PTPRD: variants seen among roughly 807,000 people sequenced by gnomAD.
The protein encoded by PTPRD is receptor-type tyrosine-protein phosphatase delta.
PTPRD carries 34 observed loss-of-function variants against 214.5 expected under a neutral mutation model. The observed-to-expected ratio is 0.16, with a 90% CI of 0.12 to 0.21. PTPRD has a LOEUF of 0.21. Among genes scored for constraint, PTPRD ranks in the 10% least tolerant of loss-of-function variants. PTPRD has a pLI of 1.00. For missense variants in PTPRD, 2,545 were observed against 2,398.7 expected (o/e 1.06, Z -1.27); for synonymous variants, 1,128 against 845.7 (o/e 1.33, Z -5.79).
At position 9,217,103 on chromosome 9, in the gene PTPRD, G is replaced by T. The variant is rs948960311; in HGVS notation, c.-202-33740C>A. On this transcript the variant is annotated intron_variant, in intron 9 of 45. Transcript: ENST00000381196. ...AACTTATATGCAAATGAGAACTAAG[G>T]GCCCCTTTAGCCAAAGAGATTCCAC... 3.3e-5 allele frequency among the ~76,000 whole-genome samples: 5 copies of T among 151,840 alleles called. No individual in the cohort carries two copies. In the South Asian group the frequency reaches 1.0e-3, roughly 32 times the overall value.
chr9:8,482,744 C>A (rs898875838), intron 30 of PTPRD, among the ~76,000 whole-genome samples: 1 of 152,122 alleles, frequency 6.6e-6, no homozygotes, highest in Admixed American at 6.5e-5. Flanking sequence ...TCTTGTATGC[C>A]TCCTTCTTCC....
At chr9:8,607,802 T>C (rs1210790813) in intron 14 of PTPRD, among the ~76,000 whole-genome samples, 1 of 152,150 alleles carries the variant, frequency 6.6e-6, no homozygotes, top group South Asian at 2.1e-4. Context: ...TAAACACAAA[T>C]ATTTATTTTA....
intron 7 of PTPRD, among the ~76,000 whole-genome samples, chr9:9,670,683 G>A (rs1002265234): frequency 6.6e-6 from 1 of 152,194 alleles, no homozygotes; most frequent in African/African-American, 2.4e-5. Context: ...ATGGCTGAAA[G>A]TGGCCAACAT....
intron 3 of PTPRD, among the ~76,000 whole-genome samples, chr9:10,135,162 T>G (rs1025783842): frequency 6.6e-6 from 1 of 152,072 alleles, no homozygotes; most frequent in Non-Finnish European, 1.5e-5. Context: ...ATCAGCTTAG[T>G]CAGGCAAAAA....
intron 3 of PTPRD, among the ~76,000 whole-genome samples, chr9:10,217,731 A>G (rs75092315): frequency 0.079 from 12,064 of 152,012 alleles, 552 homozygotes; most frequent in African/African-American, 0.12. Context: ...AACTACATGT[A>G]TATAATAATG....
intron 8 of PTPRD, among the ~76,000 whole-genome samples, chr9:9,458,379 A>G (rs1228684952): frequency 6.6e-6 from 1 of 152,074 alleles, no homozygotes; most frequent in Non-Finnish European, 1.5e-5. Flanking sequence ...TTTATTTTTT[A>G]CTAACATTGT....
chr9:10,211,480 T>A (rs374592549), intron 3 of PTPRD, among the ~76,000 whole-genome samples: 33 of 152,242 alleles, frequency 2.2e-4, no homozygotes, highest in African/African-American at 7.2e-4. Context: ...CTGTGAGGCA[T>A]AACATGATCA....
At chr9:9,871,405 T>C (rs1196809512) in intron 5 of PTPRD, among the ~76,000 whole-genome samples, 1 of 152,174 alleles carries the variant, frequency 6.6e-6, no homozygotes, top group East Asian at 1.9e-4. Flanking sequence ...CTATTCTCCA[T>C]TTTGAATATT....
chr9:9,859,381 G>A (rs1252856050), intron 5 of PTPRD, among the ~76,000 whole-genome samples: 1 of 152,174 alleles, frequency 6.6e-6, no homozygotes, highest in African/African-American at 2.4e-5. Context: ...CTAAAGTTGA[G>A]TCTGAGCCTA....
intron 9 of PTPRD, among the ~76,000 whole-genome samples, chr9:9,289,149 A>C (rs1950385477): frequency 6.6e-6 from 1 of 151,880 alleles, no homozygotes; most frequent in Non-Finnish European, 1.5e-5. Context: ...GAACACAAAT[A>C]CAAATGAAAT....
Position 9,125,354 on chromosome 9 carries a change from A to T in PTPRD, c.-143+57950T>A, listed in dbSNP as rs112010133. Among the ~76,000 whole-genome samples, 218 of 152,302 alleles carry T rather than the reference A, an allele frequency of 1.4e-3. 1 individual carries two copies. Among genetic ancestry groups the T allele is most frequent in the African/African-American group, 4.8e-3 (198 of 41,568 alleles). On this transcript the variant is annotated intron_variant, in intron 10 of 45. Coordinates refer to ENST00000381196, the MANE Select transcript of PTPRD (RefSeq NM_002839.4). The stretch of plus-strand genomic sequence containing the variant: ...CCATTTCAACTTGGTGTCAAGACAT[A>T]CTGTGAGAATTACCTTGTGTGAAGG...
chr9:9,247,807 G>A (rs1298544372), intron 9 of PTPRD, among the ~76,000 whole-genome samples: 9 of 151,994 alleles, frequency 5.9e-5, no homozygotes. Context: ...TTCAATGAGG[G>A]CAGCTAAATT....
chr9:10,290,962 T>C (rs1373171485), intron 3 of PTPRD, among the ~76,000 whole-genome samples: 1 of 152,068 alleles, frequency 6.6e-6, no homozygotes. Flanking sequence ...TTAGCTAATA[T>C]TGACCCATCT....
At chr9:8,341,299 AC>A in intron 40 of PTPRD, 31 bp from the exon 41 acceptor site, 1 of 1,549,256 alleles carries the variant, frequency 6.5e-7, no homozygotes. Flanking sequence ...AAAAGGAAAA[AC>A]CCAACAAAGA....
At chr9:9,975,939 C>A (rs6477434) in intron 4 of PTPRD, among the ~76,000 whole-genome samples, 1 of 152,026 alleles carries the variant, frequency 6.6e-6, no homozygotes, top group Non-Finnish European at 1.5e-5. Context: ...GTGCTACTAA[C>A]GTTAAGTGAA....
intron 3 of PTPRD, among the ~76,000 whole-genome samples, chr9:10,260,916 T>C (rs906095124): frequency 4.0e-5 from 6 of 151,382 alleles, no homozygotes; most frequent in South Asian, 2.1e-4. Flanking sequence ...AATTCTTGTA[T>C]AGTCAAGGGA....
intron 3 of PTPRD, among the ~76,000 whole-genome samples, chr9:10,233,750 A>T (rs2099620001): frequency 6.6e-6 from 1 of 151,974 alleles, no homozygotes; most frequent in African/African-American, 2.4e-5. Flanking sequence ...TTTCATATTC[A>T]GCTTGGGAAT....
intron 3 of PTPRD, among the ~76,000 whole-genome samples, chr9:10,329,447 T>C (rs1264502671): frequency 1.3e-5 from 2 of 151,886 alleles, no homozygotes; most frequent in Admixed American, 6.6e-5. Context: ...CAGCTGCTTA[T>C]TTGTCATGTC....
intron 5 of PTPRD, among the ~76,000 whole-genome samples, chr9:9,859,584 C>T (rs767190298): frequency 7.9e-5 from 12 of 152,178 alleles, no homozygotes; most frequent in Non-Finnish European, 1.0e-4. Flanking sequence ...AGAGAATGCT[C>T]TTGTCATATT....
Sources: allele counts gnomAD v4.1 joint callset (sites outside exome capture counted in the v4.1 genomes callset), GRCh38; gene constraint gnomAD v4.1.1; transcripts MANE v1.5; gene names NCBI Gene and HGNC (gene_info 2026-07-23, HGNC 2026-07-21).